Variants in NRGN observed in about 807,000 individuals in gnomAD.
NRGN encodes calmodulin-binding protein.
For synonymous variants in NRGN, 47 were observed against 52.8 expected (o/e 0.89, Z 0.47); for missense variants, 82 against 123.0 (o/e 0.67, Z 1.58).
At chr11:124,742,610 A>G (rs756254654) in intron 1 of NRGN, among the ~76,000 whole-genome samples, 7 of 152,160 alleles carry the variant, frequency 4.6e-5, no homozygotes, top group Non-Finnish European at 7.3e-5. Context: ...AATTCATAGA[A>G]ATAATTACCT....
chr11:124,745,827 T>C lies in NRGN; in HGVS notation c.*5+98T>C. The stretch of plus-strand genomic sequence containing the variant: ...GGGCGGGTTGGAGGTGCAGGGGGCG[T>C]GGAGGGAGCTAAGGGTTGGGGGATA... On this transcript the variant is annotated intron_variant, in intron 2 of 3. Coordinates refer to ENST00000284292, the MANE Select transcript of NRGN (RefSeq NM_006176.3). This position sits in a 1 kb window ranked among gnomAD's most constrained non-coding sequence, Gnocchi z 6.4. The C allele has an allele frequency of 1.7e-6, 1 of 574,358 alleles. No homozygotes were observed. Among genetic ancestry groups the C allele is most frequent in the Non-Finnish European group, 2.7e-6 (1 of 375,278 alleles). The allele number at this position is 574,358 out of a possible 1,614,324, so 35.6% of individuals were successfully genotyped here.
rs943887345 is a variant in NRGN, at chr11:124,740,682, G to T, written c.15+583G>T. 2.0e-5 allele frequency among the ~76,000 whole-genome samples: 3 copies of T among 152,260 alleles called. No homozygotes were observed. The highest frequency in any genetic ancestry group is 4.4e-5 in the Non-Finnish European group (3 of 68,040). On this transcript the variant is annotated intron_variant, in intron 1 of 3. Coordinates refer to ENST00000284292, the MANE Select transcript of NRGN (RefSeq NM_006176.3). The surrounding 1 kb of genome is among the most constrained non-coding windows in gnomAD (Gnocchi z 7.5). ...CCGGCCCCCAAGGCCTTCTCGCTCG[G>T]AAGGGGCTGGGTGAAGTGACCGCGA...
chr11:124,744,663 G>T (rs367746950), intron 1 of NRGN: 67 of 152,264 alleles, frequency 4.4e-4, no homozygotes, highest in African/African-American at 1.6e-3. Context: ...TATTTTGGGG[G>T]ACTAAATAAA....
intron 1 of NRGN, among the ~76,000 whole-genome samples, chr11:124,742,833 A>AT (rs1194739868): frequency 1.3e-5 from 2 of 152,190 alleles, no homozygotes; most frequent in Non-Finnish European, 2.9e-5. Flanking sequence ...AGCTATTCGG[A>AT]TTTGGGAGCT....
At position 124,740,845 on chromosome 11, in the gene NRGN, G is replaced by C. The variant is rs755108808; in HGVS notation, c.15+746G>C. 2.6e-5 allele frequency among the ~76,000 whole-genome samples: 4 copies of C among 152,250 alleles called. No individual in the cohort carries two copies. Among genetic ancestry groups the C allele is most frequent in the Admixed American group, 1.3e-4 (2 of 15,286 alleles). On this transcript the variant is annotated intron_variant, in intron 1 of 3. Transcript: ENST00000284292. This position sits in a 1 kb window ranked among gnomAD's most constrained non-coding sequence, Gnocchi z 7.5. ...TATGAAAGCGCCTGGCATAGGCCCT[G>C]GCTCCTGCCTCACTGGAAGAGTACA...
chr11:124,744,358 C>T (rs1042350921), intron 1 of NRGN, among the ~76,000 whole-genome samples: 1 of 152,196 alleles, frequency 6.6e-6, no homozygotes, highest in Non-Finnish European at 1.5e-5. Context: ...TCCCCACGAC[C>T]CATAGAGGTG....
intron 1 of NRGN, among the ~76,000 whole-genome samples, chr11:124,743,187 CG>C (rs1943979338): frequency 6.6e-6 from 1 of 152,182 alleles, no homozygotes; most frequent in Non-Finnish European, 1.5e-5. Flanking sequence ...CATGGAGTGT[CG>C]GGGGTGGCTT....
intron 1 of NRGN, chr11:124,744,680 C>T (rs958332219): frequency 3.3e-5 from 5 of 152,084 alleles, no homozygotes; most frequent in African/African-American, 1.2e-4. Flanking sequence ...TAAAATAATG[C>T]CTGTAAAACA....
At chr11:124,742,363 C>T (rs573514746) in intron 1 of NRGN, among the ~76,000 whole-genome samples, 48 of 152,188 alleles carry the variant, frequency 3.2e-4, no homozygotes, top group African/African-American at 1.1e-3. Context: ...GTCTTATTCC[C>T]GTTTCTCCTT....
Position 124,745,957 on chromosome 11 carries a change from CGAA to C in NRGN, c.*6-1_*7del. The C allele has an allele frequency of 8.5e-6, 3 of 351,028 alleles. No individual in the cohort carries two copies. The highest frequency in any genetic ancestry group is 2.1e-5 in the African/African-American group (1 of 46,698). The allele number at this position is 351,028 out of a possible 1,614,324, so 21.7% of individuals were successfully genotyped here. A position where few individuals can be genotyped will look rare whatever the true frequency, so the allele number is the denominator to read the frequency against. On this transcript the variant is annotated splice_polypyrimidine_tract_variant and splice_region_variant and intron_variant, in intron 2 of 3. Coordinates refer to ENST00000284292, the MANE Select transcript of NRGN (RefSeq NM_006176.3). The surrounding 1 kb of genome is among the most constrained non-coding windows in gnomAD (Gnocchi z 6.4). ...TCCTCCCTTCTGCCCCGCCCTGGAC[CGAA>C]GAAGAACTGAGCATTTTCAAAGGTA...
Position 124,740,020 on chromosome 11 carries a change from C to G in NRGN, c.-65C>G. The stretch of plus-strand genomic sequence containing the variant: ...ACTGCCCCAGAGCCCCCACCCGGCA[C>G]CACACAGACCCCACCCCCGCCCTGC... On this transcript the variant is annotated 5_prime_UTR_variant, in exon 1 of 4. Coordinates refer to ENST00000284292, the MANE Select transcript of NRGN (RefSeq NM_006176.3). The surrounding 1 kb of genome is among the most constrained non-coding windows in gnomAD (Gnocchi z 7.5). 1 of 896,376 alleles carries G rather than the reference C, an allele frequency of 1.1e-6. No individual in the cohort carries two copies. Among genetic ancestry groups the G allele is most frequent in the Non-Finnish European group, 1.5e-6 (1 of 651,356 alleles). The allele number at this position is 896,376 out of a possible 1,614,324, so 55.5% of individuals were successfully genotyped here. A position where few individuals can be genotyped will look rare whatever the true frequency, so the allele number is the denominator to read the frequency against.
chr11:124,741,455 C>A (rs1298912812), intron 1 of NRGN, among the ~76,000 whole-genome samples: 1 of 152,102 alleles, frequency 6.6e-6, no homozygotes, highest in Non-Finnish European at 1.5e-5. Flanking sequence ...GAAAAACAAA[C>A]ATGTCAGTCA....
In NRGN at chr11:124,745,950, C is replaced by T; in HGVS notation, c.*6-15C>T. 1 of 358,426 alleles carries T rather than the reference C, an allele frequency of 2.8e-6. No individual in the cohort carries two copies. The highest frequency in any genetic ancestry group is 5.0e-6 in the Non-Finnish European group (1 of 200,628). 22.2% of individuals were successfully genotyped at this position (358,426 alleles called of 1,614,324 possible). A position where few individuals can be genotyped will look rare whatever the true frequency, so the allele number is the denominator to read the frequency against. ...CTCTGCATCCTCCCTTCTGCCCCGC[C>T]CTGGACCGAAGAAGAACTGAGCATT... On this transcript the variant is annotated splice_polypyrimidine_tract_variant and intron_variant, in intron 2 of 3. Coordinates refer to ENST00000284292, the MANE Select transcript of NRGN (RefSeq NM_006176.3). The surrounding 1 kb of genome is among the most constrained non-coding windows in gnomAD (Gnocchi z 6.4).
At chr11:124,741,443 A>T (rs992938400) in intron 1 of NRGN, among the ~76,000 whole-genome samples, 6 of 152,186 alleles carry the variant, frequency 3.9e-5, no homozygotes, top group African/African-American at 1.2e-4. Flanking sequence ...AGAGAAAAGT[A>T]TGAAAAACAA....
Position 124,745,973 on chromosome 11 carries a change from A to G in NRGN, c.*14A>G, listed in dbSNP as rs1333622869. 2 of 337,104 alleles carry G rather than the reference A, an allele frequency of 5.9e-6. No individual in the cohort carries two copies. Among genetic ancestry groups the G allele is most frequent in the Non-Finnish European group, 1.1e-5 (2 of 186,834 alleles). The allele number at this position is 337,104 out of a possible 1,614,324, so 20.9% of individuals were successfully genotyped here. A position where few individuals can be genotyped will look rare whatever the true frequency, so the allele number is the denominator to read the frequency against. ...GCCCTGGACCGAAGAAGAACTGAGC[A>G]TTTTCAAAGGTAATGAACACGGCCC... is the stretch of plus-strand genomic sequence containing the variant. On this transcript the variant is annotated 3_prime_UTR_variant, in exon 3 of 4. Coordinates refer to ENST00000284292, the MANE Select transcript of NRGN (RefSeq NM_006176.3). This position sits in a 1 kb window ranked among gnomAD's most constrained non-coding sequence, Gnocchi z 6.4.
intron 1 of NRGN, among the ~76,000 whole-genome samples, chr11:124,741,044 T>C (rs1943962344): frequency 6.6e-6 from 1 of 152,204 alleles, no homozygotes; most frequent in African/African-American, 2.4e-5. Context: ...AAAAGTGGGC[T>C]TTGGAAGGGA....
chr11:124,742,351 C>G (rs1200608947), intron 1 of NRGN, among the ~76,000 whole-genome samples: 1 of 152,136 alleles, frequency 6.6e-6, no homozygotes, highest in African/African-American at 2.4e-5. Flanking sequence ...GAATCTAGTC[C>G]TGTCTTATTC....
rs761983973 is a variant in NRGN at position 124,745,113 on chromosome 11, G to A, written c.16-390G>A. 5.9e-5 allele frequency among the ~76,000 whole-genome samples: 9 copies of A among 152,118 alleles called. No individual in the cohort carries two copies. Among genetic ancestry groups the A allele is most frequent in the East Asian group, 1.9e-4 (1 of 5,174 alleles). On this transcript the variant is annotated intron_variant, in intron 1 of 3. Transcript: ENST00000284292. The surrounding 1 kb of genome is among the most constrained non-coding windows in gnomAD (Gnocchi z 6.4). ...TCAGACTGGGTCCTTCTGAGCTGGA[G>A]GTACCCTCTGAGAGCAGGGGGACAG... is the stretch of plus-strand genomic sequence containing the variant.
At chr11:124,743,575 G>A (rs538041409) in intron 1 of NRGN, among the ~76,000 whole-genome samples, 1 of 152,092 alleles carries the variant, frequency 6.6e-6, no homozygotes, top group South Asian at 2.1e-4. Flanking sequence ...TTTTAACTGT[G>A]TTTAAATCGA....
Sources: gnomAD v4.1 joint callset for allele counts (sites outside exome capture counted in the v4.1 genomes callset) on GRCh38, gnomAD v4.1.1 for gene constraint, Gnocchi (gnomAD v3.1) non-coding constraint, MANE v1.5 for transcripts, NCBI Gene and HGNC (gene_info 2026-07-23, HGNC 2026-07-21) for gene names.